The following SRP54 variants were observed in gnomAD, a reference collection of about 807,000 sequenced individuals.
SRP54 encodes the protein signal recognition particle subunit SRP54.
Under a neutral mutation model 64.8 loss-of-function variants are expected in SRP54, and 10 were observed. The observed-to-expected ratio is 0.15, with a 90% CI of 0.10 to 0.26. The LOEUF is 0.26. Ranked by LOEUF, SRP54 falls within the 10% of genes least tolerant of loss-of-function variation. The pLI is 1.00. For missense variants in SRP54, 325 were observed against 613.7 expected, an observed-to-expected ratio of 0.53 and a Z score of 4.97; for synonymous variants, 193 against 185.6, an observed-to-expected ratio of 1.04 and a Z score of -0.32.
At chr14:35,027,809 C>G in intron 14 of SRP54, 1 of 197,918 alleles carries the variant, frequency 5.1e-6, no homozygotes, top group Non-Finnish European at 1.0e-5. Flanking sequence ...GTGGCTTATT[C>G]ACAGATATAA....
intron 4 of SRP54, among the ~76,000 whole-genome samples, chr14:35,006,977 C>T (rs1048064856): frequency 6.6e-6 from 1 of 152,070 alleles, no homozygotes; most frequent in African/African-American, 2.4e-5. Context: ...TTGCTTGAAC[C>T]CAGAAGTTGG....
chr14:34,988,436 C>T (rs1467474193), intron 1 of SRP54, among the ~76,000 whole-genome samples: 1 of 149,636 alleles, frequency 6.7e-6, no homozygotes, highest in African/African-American at 2.5e-5. Context: ...GTGGCATGCG[C>T]CTGTAGTCCC....
intron 11 of SRP54, among the ~76,000 whole-genome samples, chr14:35,015,603 C>T (rs767954970): frequency 1.3e-5 from 2 of 150,624 alleles, no homozygotes; most frequent in South Asian, 2.1e-4. Flanking sequence ...ATCTATAAAA[C>T]GTACATAATA....
chr14:34,985,365 A>G (rs1291557628), intron 1 of SRP54, among the ~76,000 whole-genome samples: 2 of 152,164 alleles, frequency 1.3e-5, no homozygotes, highest in African/African-American at 4.8e-5. Flanking sequence ...CCTTCCATTC[A>G]TTGGTTAATG....
intron 7 of SRP54, among the ~76,000 whole-genome samples, chr14:35,010,538 G>A (rs1286211634): frequency 1.3e-5 from 2 of 152,104 alleles, no homozygotes; most frequent in East Asian, 1.9e-4. Flanking sequence ...AGGCCAAGGC[G>A]GGCATATCAT....
intron 1 of SRP54, among the ~76,000 whole-genome samples, chr14:34,990,693 A>G (rs970938348): frequency 2.6e-5 from 4 of 152,236 alleles, no homozygotes; most frequent in African/African-American, 9.6e-5. Flanking sequence ...CTATTAACAT[A>G]CAAAAGGTAT....
chr14:35,018,541 T>C (rs1329879902), intron 11 of SRP54, 151 bp from the exon 12 acceptor site: 5 of 634,422 alleles, frequency 7.9e-6, no homozygotes, highest in Non-Finnish European at 1.4e-5. Flanking sequence ...CATCCTGTCA[T>C]CTTGCACATG....
At chr14:34,985,122 AGAGTTC>A (rs2043873605) in intron 1 of SRP54, among the ~76,000 whole-genome samples, 1 of 152,174 alleles carries the variant, frequency 6.6e-6, no homozygotes, top group Admixed American at 6.5e-5. Flanking sequence ...CTTTAGCTCA[AGAGTTC>A]GAGACCAGCT....
intron 4 of SRP54, among the ~76,000 whole-genome samples, chr14:35,002,971 C>T (rs1414614402): frequency 6.6e-6 from 1 of 151,952 alleles, no homozygotes; most frequent in Non-Finnish European, 1.5e-5. Context: ...GTCTTGAACT[C>T]CTGACCTCAA....
chr14:35,017,909 T>C (rs886142555), intron 11 of SRP54, among the ~76,000 whole-genome samples: 6 of 152,024 alleles, frequency 3.9e-5, no homozygotes, highest in Non-Finnish European at 7.4e-5. Context: ...TCATTTGAGG[T>C]CAGGAGTTTG....
At chr14:34,996,359 T>C (rs2254990) in intron 1 of SRP54, among the ~76,000 whole-genome samples, 26,048 of 152,140 alleles carry the variant, frequency 0.17, 2,404 homozygotes, top group East Asian at 0.31. Context: ...ATAATTCAGT[T>C]ATTCATAAGT....
chr14:34,997,004 A>T (rs923274064), intron 2 of SRP54: 3 of 406,426 alleles, frequency 7.4e-6, no homozygotes, highest in Non-Finnish European at 1.3e-5. Context: ...TTCCAAAAAA[A>T]AATCGAAAAA....
At chr14:35,016,852 TTTTTTTTTC>T (rs2044450147) in intron 11 of SRP54, among the ~76,000 whole-genome samples, 4 of 143,510 alleles carry the variant, frequency 2.8e-5, no homozygotes, top group African/African-American at 1.0e-4. Flanking sequence ...TTTCTTTTTT[TTTTTTTTTC>T]TTCTTTTTTT....
intron 1 of SRP54, among the ~76,000 whole-genome samples, chr14:34,987,230 GAAAAAAAA>G (rs199590717): frequency 0.022 from 2,707 of 124,302 alleles, 52 homozygotes; most frequent in Middle Eastern, 0.039. Flanking sequence ...CACTACATCT[GAAAAAAAA>G]AAAAAAAAAT....
At chr14:34,997,145 G>T (rs535698883) in intron 2 of SRP54, among the ~76,000 whole-genome samples, 1 of 152,066 alleles carries the variant, frequency 6.6e-6, no homozygotes, top group African/African-American at 2.4e-5. Flanking sequence ...TTTCTTCTTG[G>T]CTAGGCCTGT....
intron 14 of SRP54, among the ~76,000 whole-genome samples, chr14:35,025,110 T>A (rs2044600798): frequency 6.6e-6 from 1 of 152,210 alleles, no homozygotes; most frequent in African/African-American, 2.4e-5. Flanking sequence ...TTATGTATCG[T>A]AAAAAGATAA....
chr14:35,017,086 C>T lies in SRP54; in HGVS notation c.974-1606C>T, dbSNP rs151287066. Among the ~76,000 whole-genome samples, 25 of 152,220 alleles carry T rather than the reference C, an allele frequency of 1.6e-4. No individual in the cohort carries two copies. The East Asian group carries it at 4.4e-3, about 27-fold the overall frequency. On this transcript the variant is annotated intron_variant, in intron 11 of 15. Coordinates refer to ENST00000216774, the MANE Select transcript of SRP54 (RefSeq NM_003136.4). ...GCCAGGCTGATCTCGAACTCCTGGC[C>T]TCAGGTGATCTGCCTGCCTCGGCCT...
chr14:34,999,838 TA>T, intron 3 of SRP54, 189 bp downstream of exon 3: 1 of 423,582 alleles, frequency 2.4e-6, no homozygotes, highest in South Asian at 5.2e-5. Context: ...GTTCAAAGAA[TA>T]AACTACATGT....
chr14:35,002,545 G>C (rs1036245612), intron 4 of SRP54, among the ~76,000 whole-genome samples: 1 of 151,038 alleles, frequency 6.6e-6, no homozygotes, highest in African/African-American at 2.4e-5. Flanking sequence ...CAATTCTCCT[G>C]CCTCAGCCTC....
Sources: gnomAD v4.1 joint callset for allele counts (sites outside exome capture counted in the v4.1 genomes callset) on GRCh38, gnomAD v4.1.1 for gene constraint, MANE v1.5 for transcripts, NCBI Gene and HGNC (gene_info 2026-07-23, HGNC 2026-07-21) for gene names.